DOK6: variants seen among roughly 807,000 people sequenced by gnomAD.
DOK6 encodes docking protein 6.
A neutral mutation model predicts 44.0 loss-of-function variants in DOK6; 22 were observed. The ratio of observed to expected loss-of-function variants is 0.50; its 90% CI spans 0.36 to 0.71. The LOEUF (loss-of-function observed/expected upper bound fraction) is 0.71, where lower values mean the gene tolerates loss of function less well. DOK6 is among the 30% of genes least tolerant of loss of function. The pLI is 0.00. For missense variants in DOK6, 340 were observed against 416.4 expected (o/e 0.82, Z 1.60); for synonymous variants, 166 against 145.5 (o/e 1.14, Z -1.01).
At chr18:69,715,457 C>T (rs949983252) in intron 5 of DOK6, among the ~76,000 whole-genome samples, 1 of 152,180 alleles carries the variant, frequency 6.6e-6, no homozygotes, top group African/African-American at 2.4e-5. Flanking sequence ...ACAGGCTAAA[C>T]TAAGTAGCAT....
chr18:69,487,600 G>C (rs1980620530), intron 1 of DOK6, among the ~76,000 whole-genome samples: 2 of 152,124 alleles, frequency 1.3e-5, no homozygotes, highest in African/African-American at 4.8e-5. Context: ...CCCCTTTGCT[G>C]AGGAATGTTC....
intron 3 of DOK6, among the ~76,000 whole-genome samples, chr18:69,612,460 T>TGTGTGCGAGGGC (rs1568311320): frequency 0.017 from 1,332 of 77,642 alleles, 312 homozygotes; most frequent in Middle Eastern, 0.026. Flanking sequence ...TGTGCGAGCG[T>TGTGTGCGAGGGC]GCATATGTAT....
chr18:69,666,987 G>A (rs1293568007), intron 3 of DOK6, among the ~76,000 whole-genome samples: 1 of 150,634 alleles, frequency 6.6e-6, no homozygotes, highest in Non-Finnish European at 1.5e-5. Flanking sequence ...TGTGCTCCCA[G>A]AAGGACCCCC....
At chr18:69,814,276 C>G (rs1215027354) in intron 7 of DOK6, among the ~76,000 whole-genome samples, 2 of 152,156 alleles carry the variant, frequency 1.3e-5, no homozygotes, top group African/African-American at 4.8e-5. Context: ...TACTCCTGAT[C>G]AGAAATCTGC....
intron 1 of DOK6, among the ~76,000 whole-genome samples, chr18:69,551,865 G>A (rs1982573919): frequency 6.6e-6 from 1 of 152,094 alleles, no homozygotes; most frequent in African/African-American, 2.4e-5. Context: ...TTTCCAAATT[G>A]ATTATTAATG....
intron 7 of DOK6, among the ~76,000 whole-genome samples, chr18:69,817,207 C>T (rs544038852): frequency 6.6e-5 from 10 of 151,974 alleles, no homozygotes; most frequent in East Asian, 1.9e-4. Flanking sequence ...TAAATGTTTA[C>T]GTCTTGAACT....
chr18:69,656,657 A>G (rs192505005), intron 3 of DOK6, among the ~76,000 whole-genome samples: 1 of 152,370 alleles, frequency 6.6e-6, no homozygotes, highest in Non-Finnish European at 1.5e-5. Flanking sequence ...TTTAAAAACA[A>G]CAGACTTAAA....
chr18:69,694,036 G>A (rs999446914), intron 4 of DOK6, among the ~76,000 whole-genome samples: 3 of 128,566 alleles, frequency 2.3e-5, no homozygotes, highest in African/African-American at 6.1e-5. Flanking sequence ...TCCAGCCTGG[G>A]CGACAGAGCG....
At chr18:69,633,378 G>A (rs1357260702) in intron 3 of DOK6, among the ~76,000 whole-genome samples, 1 of 152,080 alleles carries the variant, frequency 6.6e-6, no homozygotes, top group African/African-American at 2.4e-5. Flanking sequence ...ATGTCAAAAC[G>A]CCTATGCAAA....
At chr18:69,479,101 T>C (rs1439458619) in intron 1 of DOK6, among the ~76,000 whole-genome samples, 1 of 151,838 alleles carries the variant, frequency 6.6e-6, no homozygotes, top group Admixed American at 6.6e-5. Flanking sequence ...AGCATGTAAC[T>C]AAGAGATAAA....
intron 3 of DOK6, among the ~76,000 whole-genome samples, chr18:69,603,924 A>G (rs1983937367): frequency 6.6e-6 from 1 of 152,172 alleles, no homozygotes; most frequent in African/African-American, 2.4e-5. Context: ...ATTTATTCTC[A>G]GTGAAAAACA....
At chr18:69,656,904 T>G (rs1985382340) in intron 3 of DOK6, among the ~76,000 whole-genome samples, 1 of 152,148 alleles carries the variant, frequency 6.6e-6, no homozygotes, top group African/African-American at 2.4e-5. Flanking sequence ...AATCAGAAAT[T>G]CCAGGGTTGG....
chr18:69,731,915 G>C (rs1017792623), intron 5 of DOK6, among the ~76,000 whole-genome samples: 1 of 152,276 alleles, frequency 6.6e-6, no homozygotes, highest in African/African-American at 2.4e-5. Flanking sequence ...ATCAGTAGCT[G>C]TTCCATGTGA....
chr18:69,497,097 A>G (rs1418170707), intron 1 of DOK6, among the ~76,000 whole-genome samples: 1 of 152,206 alleles, frequency 6.6e-6, no homozygotes, highest in Non-Finnish European at 1.5e-5. Context: ...GGTTTGAGTT[A>G]GTATTGACCA....
chr18:69,721,562 T>C (rs1978288741), intron 5 of DOK6: 1 of 152,262 alleles, frequency 6.6e-6, no homozygotes, highest in Non-Finnish European at 1.5e-5. Context: ...TGCTATTGTT[T>C]GCAGTACACA....
intron 1 of DOK6, among the ~76,000 whole-genome samples, chr18:69,497,412 G>C (rs1195985282): frequency 2.0e-5 from 3 of 152,102 alleles, no homozygotes; most frequent in Admixed American, 1.3e-4. Flanking sequence ...CCACCCCAAT[G>C]CCACGTTTCA....
chr18:69,588,114 A>C (rs748928126), intron 2 of DOK6, among the ~76,000 whole-genome samples: 5 of 152,176 alleles, frequency 3.3e-5, no homozygotes, highest in Non-Finnish European at 7.3e-5. Context: ...AGAACTAAGA[A>C]ATTTGGCCCT....
chr18:69,693,451 A>T (rs924762861), intron 4 of DOK6, among the ~76,000 whole-genome samples: 17 of 152,120 alleles, frequency 1.1e-4, no homozygotes, highest in Non-Finnish European at 5.9e-5. Context: ...ATGCACACTT[A>T]TTTAATACAT....
chr18:69,821,211 C>T (rs990454553), intron 7 of DOK6, among the ~76,000 whole-genome samples: 16 of 152,220 alleles, frequency 1.1e-4, no homozygotes, highest in African/African-American at 3.6e-4. Flanking sequence ...ACCGATAGGA[C>T]ATACATGTCT....
Sources: allele counts gnomAD v4.1 joint callset (sites outside exome capture counted in the v4.1 genomes callset), GRCh38; gene constraint gnomAD v4.1.1; transcripts MANE v1.5; gene names NCBI Gene and HGNC (gene_info 2026-07-23, HGNC 2026-07-21).